Variants in OSBP2 observed in about 807,000 individuals in gnomAD.
OSBP2 encodes oxysterol binding protein 2, also known as oxysterol-binding protein 2.
Under a neutral mutation model 96.0 loss-of-function variants are expected in OSBP2, and 66 were observed. That is an observed-to-expected ratio of 0.69 (90% confidence interval 0.56 to 0.84). The LOEUF is 0.84. OSBP2 is among the 40% of genes least tolerant of loss of function. The pLI is 0.00. For synonymous variants in OSBP2, 525 were observed against 520.9 expected (o/e 1.01, Z -0.11); for missense variants, 1,038 against 1,222.7 (o/e 0.85, Z 2.25).
At chr22:30,715,087 G>A (rs2089426217) in intron 1 of OSBP2, among the ~76,000 whole-genome samples, 1 of 151,230 alleles carries the variant, frequency 6.6e-6, no homozygotes, top group African/African-American at 2.4e-5. Flanking sequence ...TGTAGAGATG[G>A]GATTTTGCTA....
At chr22:30,796,583 G>A (rs779752970) in intron 2 of OSBP2, among the ~76,000 whole-genome samples, 3 of 151,904 alleles carry the variant, frequency 2.0e-5, no homozygotes, top group Non-Finnish European at 4.4e-5. Context: ...TCAGTTTACT[G>A]CAACCTCCAC....
chr22:30,718,754 T>C (rs867586309), intron 1 of OSBP2, among the ~76,000 whole-genome samples: 1 of 152,054 alleles, frequency 6.6e-6, no homozygotes, highest in Non-Finnish European at 1.5e-5. Context: ...CCCTTTTTTT[T>C]CCCCCTGCCA....
chr22:30,696,555 A>T (rs1285159561), intron 1 of OSBP2, among the ~76,000 whole-genome samples: 1 of 152,212 alleles, frequency 6.6e-6, no homozygotes, highest in Non-Finnish European at 1.5e-5. Context: ...TGCTGCACAC[A>T]AAAGGACCTT....
chr22:30,736,980 A>G (rs2089865303), intron 1 of OSBP2, among the ~76,000 whole-genome samples: 1 of 152,192 alleles, frequency 6.6e-6, no homozygotes, highest in Non-Finnish European at 1.5e-5. Context: ...CACCCTGTGC[A>G]AGTCACTTCG....
intron 1 of OSBP2, among the ~76,000 whole-genome samples, chr22:30,701,775 C>G (rs537968423): frequency 6.6e-6 from 1 of 152,232 alleles, no homozygotes; most frequent in East Asian, 1.9e-4. Flanking sequence ...CTGGATACCC[C>G]CGAAGGTAGC....
intron 2 of OSBP2, among the ~76,000 whole-genome samples, chr22:30,760,563 C>T (rs2090194101): frequency 6.6e-6 from 1 of 152,100 alleles, no homozygotes; most frequent in Admixed American, 6.6e-5. Flanking sequence ...CACCTGTAAT[C>T]CCAGCACTTT....
intron 2 of OSBP2, among the ~76,000 whole-genome samples, chr22:30,854,148 G>A (rs2039032524): frequency 6.6e-6 from 1 of 152,022 alleles, no homozygotes; most frequent in African/African-American, 2.4e-5. Context: ...CACCACTTCA[G>A]CTGAAACCTA....
At chr22:30,869,494 A>C (rs964795289) in intron 2 of OSBP2, among the ~76,000 whole-genome samples, 6 of 152,130 alleles carry the variant, frequency 3.9e-5, no homozygotes, top group Admixed American at 2.0e-4. Flanking sequence ...CTTTTGGCAG[A>C]CTTTGTTTTT....
chr22:30,754,287 A>C (rs1270309440), intron 2 of OSBP2, among the ~76,000 whole-genome samples: 2 of 152,180 alleles, frequency 1.3e-5, no homozygotes, highest in African/African-American at 4.8e-5. Flanking sequence ...TGTTCTGTGA[A>C]AGAAAGCAAC....
intron 8 of OSBP2, among the ~76,000 whole-genome samples, chr22:30,892,067 C>T (rs1022325563): frequency 1.3e-5 from 2 of 152,064 alleles, no homozygotes; most frequent in Admixed American, 1.3e-4. Context: ...CCAGAGGAAC[C>T]CTCCACTGCG....
intron 2 of OSBP2, among the ~76,000 whole-genome samples, chr22:30,809,158 C>T (rs148525349): frequency 2.0e-4 from 31 of 152,270 alleles, no homozygotes; most frequent in African/African-American, 7.5e-4. Context: ...GCCTTGCTGA[C>T]ACCTTGATTT....
chr22:30,807,824 C>A (rs1184708465), intron 2 of OSBP2, among the ~76,000 whole-genome samples: 1 of 152,202 alleles, frequency 6.6e-6, no homozygotes, highest in African/African-American at 2.4e-5. Flanking sequence ...GTTGCCCAGG[C>A]TGGTGTGCAG....
intron 2 of OSBP2, among the ~76,000 whole-genome samples, chr22:30,836,673 C>T (rs773891843): frequency 7.2e-5 from 11 of 152,104 alleles, no homozygotes; most frequent in Non-Finnish European, 1.0e-4. Context: ...CTGATGCAGG[C>T]GTGGTTCAGT....
intron 2 of OSBP2, among the ~76,000 whole-genome samples, chr22:30,867,578 G>A (rs2147102216): frequency 6.6e-6 from 1 of 152,300 alleles, no homozygotes; most frequent in South Asian, 2.1e-4. Context: ...AACAGACTGT[G>A]CTCATGGGTA....
intron 1 of OSBP2, among the ~76,000 whole-genome samples, chr22:30,695,808 AG>A (rs1245585417): frequency 1.3e-5 from 2 of 152,128 alleles, no homozygotes; most frequent in African/African-American, 4.8e-5. Flanking sequence ...AGGTGGAGTA[AG>A]GGAGTGATCT....
At position 30,871,659 on chromosome 22, in the gene OSBP2, C is replaced by T. The variant is rs2039461907; in HGVS notation, c.1107+977C>T. Among the ~76,000 whole-genome samples, 1 of 150,000 alleles carries T rather than the reference C, an allele frequency of 6.7e-6. No homozygotes were observed. The highest frequency in any genetic ancestry group is 2.1e-4 in the South Asian group (1 of 4,716). On this transcript the variant is annotated intron_variant, in intron 3 of 13. Transcript: ENST00000332585. The surrounding 1 kb of genome is among the most constrained non-coding windows in gnomAD (Gnocchi z 4.7). ...GTGCTGGTGCCTGGGTGACCTCCAGCTGGGGGACCCAGCCCCCAAACTAGG... is the reference window on the plus strand; with the variant it reads ...GTGCTGGTGCCTGGGTGACCTCCAGTTGGGGGACCCAGCCCCCAAACTAGG...
At chr22:30,763,938 G>A (rs962401740) in intron 2 of OSBP2, among the ~76,000 whole-genome samples, 6 of 152,176 alleles carry the variant, frequency 3.9e-5, no homozygotes, top group African/African-American at 9.7e-5. Context: ...TGACACAGGG[G>A]GGCGCTAGAA....
chr22:30,842,451 A>G (rs1029067638), intron 2 of OSBP2, among the ~76,000 whole-genome samples: 2 of 152,018 alleles, frequency 1.3e-5, no homozygotes, highest in African/African-American at 4.8e-5. Context: ...GGTTGCAGCA[A>G]TTTCTGAAAA....
chr22:30,818,060 T>C (rs1170466905), intron 2 of OSBP2, among the ~76,000 whole-genome samples: 1 of 152,182 alleles, frequency 6.6e-6, no homozygotes, highest in African/African-American at 2.4e-5. Flanking sequence ...TATGCCCAGC[T>C]AATTTTTAAA....
Sources: allele counts gnomAD v4.1 joint callset (sites outside exome capture counted in the v4.1 genomes callset), GRCh38; gene constraint gnomAD v4.1.1; non-coding constraint Gnocchi (gnomAD v3.1); transcripts MANE v1.5; gene names NCBI Gene and HGNC (gene_info 2026-07-23, HGNC 2026-07-21).